Variants in PLAGL2 observed in about 807,000 individuals in gnomAD.
PLAGL2 encodes the protein PLAG1 like zinc finger 2.
A neutral mutation model predicts 29.0 loss-of-function variants in PLAGL2; 7 were observed. That is an observed-to-expected ratio of 0.24 (90% CI 0.14 to 0.45). PLAGL2 has a LOEUF of 0.45. Among genes scored for constraint, PLAGL2 ranks in the 20% least tolerant of loss-of-function variants. PLAGL2 has a pLI of 0.99. For missense variants in PLAGL2, 454 were observed against 648.2 expected, an observed-to-expected ratio of 0.70 and a Z score of 3.25; for synonymous variants, 234 against 266.0, an observed-to-expected ratio of 0.88 and a Z score of 1.17.
chr20:32,205,558 T>C (rs557128799), intron 1 of PLAGL2, among the ~76,000 whole-genome samples: 1 of 152,320 alleles, frequency 6.6e-6, no homozygotes, highest in South Asian at 2.1e-4. Flanking sequence ...GTCCGTCCCC[T>C]GTTATGGGCC....
chr20:32,197,031 G>A lies in PLAGL2; in HGVS notation c.912C>T (p.Thr304=), dbSNP rs2047233241. 1 of 1,614,210 alleles carries A rather than the reference G, an allele frequency of 6.2e-7. No homozygotes were observed. The highest frequency in any genetic ancestry group is 8.5e-7 in the Non-Finnish European group (1 of 1,180,016). The change falls in exon 3 of 3, where the codon ACC becomes ACT. Residue 304 remains threonine, a synonymous_variant. Coordinates refer to ENST00000246229, the MANE Select transcript of PLAGL2 (RefSeq NM_002657.3). The surrounding 1 kb of genome is among the most constrained non-coding windows in gnomAD (Gnocchi z 6.6). ...PMGMYGAHIP[T]MPSTGVPHSL... is the part of the protein sequence containing the mutation. ...AGTGTGGCACGCCCGTGCTGGGCAT[G>A]GTAGGGATGTGGGCACCATACATGC... is the stretch of plus-strand genomic sequence containing the variant.
intron 1 of PLAGL2, among the ~76,000 whole-genome samples, chr20:32,204,160 C>T (rs1169457804): frequency 2.6e-5 from 4 of 152,070 alleles, no homozygotes; most frequent in Admixed American, 2.6e-4. Context: ...ATTACCCCTA[C>T]CTTCAAAGTC....
At position 32,194,510 on chromosome 20, in the gene PLAGL2, G is replaced by A; in HGVS notation, c.*1942C>T. The A allele has an allele frequency of 6.6e-6, 1 of 152,612 alleles. No homozygotes were observed. The highest frequency in any genetic ancestry group is 1.9e-4 in the East Asian group (1 of 5,200). 9.5% of individuals were successfully genotyped at this position (152,612 alleles called of 1,614,324 possible). A position where few individuals can be genotyped will look rare whatever the true frequency, so the allele number is the denominator to read the frequency against. On this transcript the variant is annotated 3_prime_UTR_variant, in exon 3 of 3. Coordinates refer to ENST00000246229, the MANE Select transcript of PLAGL2 (RefSeq NM_002657.3). The stretch of plus-strand genomic sequence containing the variant: ...TTAAAAAGGTATCCCAAGCTACCCT[G>A]CCTAAATCAAAACACACTTACTCCA...
In PLAGL2 at chr20:32,197,787, A is replaced by G; in HGVS notation, c.261-105T>C. ...CATTAACAGGAAACTAGATATAAAA[A>G]CCATGGTAAAGGCTTGCAATGCAAT... is the stretch of plus-strand genomic sequence containing the variant. On this transcript the variant is annotated intron_variant, in intron 2 of 2. Coordinates refer to ENST00000246229, the MANE Select transcript of PLAGL2 (RefSeq NM_002657.3). This position sits in a 1 kb window ranked among gnomAD's most constrained non-coding sequence, Gnocchi z 6.6. 2.1e-6 allele frequency: 2 copies of G among 937,974 alleles called. No individual in the cohort carries two copies. The highest frequency in any genetic ancestry group is 1.6e-5 in the South Asian group (1 of 61,366). The allele number at this position is 937,974 out of a possible 1,614,324, so 58.1% of individuals were successfully genotyped here.
chr20:32,203,101 G>A (rs1257799509), intron 1 of PLAGL2, among the ~76,000 whole-genome samples: 1 of 152,208 alleles, frequency 6.6e-6, no homozygotes, highest in African/African-American at 2.4e-5. Context: ...ACGGTAGCGA[G>A]CTCGCATTGG....
chr20:32,194,056 A>G lies in PLAGL2; in HGVS notation c.*2396T>C, dbSNP rs1056411797. On this transcript the variant is annotated 3_prime_UTR_variant, in exon 3 of 3. Coordinates refer to ENST00000246229, the MANE Select transcript of PLAGL2 (RefSeq NM_002657.3). ...TTTAAACAGTTGCTTTGCCAGTCCT[A>G]TGACTTTTCCAGCATCACTTACGGG... is the stretch of plus-strand genomic sequence containing the variant. 3.3e-5 allele frequency: 5 copies of G among 152,692 alleles called. No individual in the cohort carries two copies. The highest frequency in any genetic ancestry group is 1.3e-4 in the Admixed American group (2 of 15,284). The allele number at this position is 152,692 out of a possible 1,614,324, so 9.5% of individuals were successfully genotyped here.
At chr20:32,199,300 G>C (rs545518753) in intron 2 of PLAGL2, among the ~76,000 whole-genome samples, 2 of 152,162 alleles carry the variant, frequency 1.3e-5, no homozygotes, top group East Asian at 3.9e-4. Flanking sequence ...AAGAGTGCTC[G>C]TGCCTATGTG....
chr20:32,206,737 G>C (rs998183845), intron 1 of PLAGL2, among the ~76,000 whole-genome samples: 1 of 152,198 alleles, frequency 6.6e-6, no homozygotes, highest in Non-Finnish European at 1.5e-5. Flanking sequence ...TCCCCACCAA[G>C]GTGGGCCACA....
rs984471363 is a variant in PLAGL2, at chr20:32,194,229, G to C, written c.*2223C>G. 2.6e-5 allele frequency: 4 copies of C among 151,882 alleles called. No homozygotes were observed. Among genetic ancestry groups the C allele is most frequent in the African/African-American group, 9.7e-5 (4 of 41,306 alleles). The allele number at this position is 151,882 out of a possible 1,614,324, so 9.4% of individuals were successfully genotyped here. On this transcript the variant is annotated 3_prime_UTR_variant, in exon 3 of 3. Transcript: ENST00000246229. The stretch of plus-strand genomic sequence containing the variant: ...GAAGGTGGCAGTTAAGGTGAGAAGG[G>C]TTGCTGAGTCTAGTGATGAAAACCA...
intron 1 of PLAGL2, among the ~76,000 whole-genome samples, chr20:32,203,104 C>G (rs538361478): frequency 4.3e-4 from 65 of 152,302 alleles, no homozygotes; most frequent in African/African-American, 1.4e-3. Context: ...GTAGCGAGCT[C>G]GCATTGGAAT....
intron 1 of PLAGL2, among the ~76,000 whole-genome samples, chr20:32,202,953 GACC>G (rs1255031013): frequency 1.3e-5 from 2 of 152,180 alleles, no homozygotes; most frequent in Non-Finnish European, 2.9e-5. Flanking sequence ...GTCCCATCCT[GACC>G]ACCACCACTT....
At chr20:32,198,799 C>A (rs2047243446) in intron 2 of PLAGL2, among the ~76,000 whole-genome samples, 1 of 152,154 alleles carries the variant, frequency 6.6e-6, no homozygotes, top group Non-Finnish European at 1.5e-5. Context: ...TACACAAAAA[C>A]CAACCCACCA....
chr20:32,202,057 T>C lies in PLAGL2; in HGVS notation c.122A>G (p.Gln41Arg). 3.1e-6 allele frequency: 5 copies of C among 1,614,218 alleles called. No homozygotes were observed. The highest frequency in any genetic ancestry group is 4.2e-6 in the Non-Finnish European group (5 of 1,180,040). ...GREAESQVKC[Q>R]CEISGTPFSN... ...GAAAGGTGTTCCCGAAATTTCACAT[T>C]GGCACTTCACTTGACTCTCCGCCTC... The change falls in exon 2 of 3, where the codon CAA (glutamine) becomes CGA (arginine). Residue 41 changes from glutamine to arginine, a missense_variant. Around this residue, in one of 4 missense-constraint regions of PLAGL2, gnomAD observed 89 missense variants for 90.4 expected, o/e 0.98. Transcript: ENST00000246229.
chr20:32,197,460 G>A lies in PLAGL2; in HGVS notation c.483C>T (p.Cys161=), dbSNP rs1358197401. ...ASSGDLSCKV[C]LQTFESTQAL... ...CCTGGGTACTCTCAAAGGTCTGCAG[G>A]CACACCTTGCAGCTGAGGTCACCGC... Residue 161 remains cysteine (C), a synonymous_variant, in exon 3 of 3, where the codon TGC becomes TGT. Coordinates refer to ENST00000246229, the MANE Select transcript of PLAGL2 (RefSeq NM_002657.3). This position sits in a 1 kb window ranked among gnomAD's most constrained non-coding sequence, Gnocchi z 6.6. 6.2e-7 allele frequency: 1 copy of A among 1,612,976 alleles called. No homozygotes were observed. The highest frequency in any genetic ancestry group is 8.5e-7 in the Non-Finnish European group (1 of 1,180,014).
In PLAGL2 at chr20:32,202,300, A is replaced by ACCAGGTGTTCTGATGTT; in HGVS notation, c.-114-9_-114-8insAACATCAGAACACCTGG. ...AGAAAACAATCTCTTCACCTGAAACATCAGAACACCTGGTGTTAGGGAGCC... is the reference window on the plus strand; with the variant it reads ...AGAAAACAATCTCTTCACCTGAAACACCAGGTGTTCTGATGTTTCAGAACACCTGGTGTTAGGGAGCC... On this transcript the variant is annotated splice_polypyrimidine_tract_variant and intron_variant, in intron 1 of 2. Coordinates refer to ENST00000246229, the MANE Select transcript of PLAGL2 (RefSeq NM_002657.3). The ACCAGGTGTTCTGATGTT allele has an allele frequency of 1.0e-5, 10 of 956,280 alleles. No homozygotes were observed. Among genetic ancestry groups the ACCAGGTGTTCTGATGTT allele is most frequent in the African/African-American group, 1.6e-5 (1 of 61,116 alleles). 59.2% of individuals were successfully genotyped at this position (956,280 alleles called of 1,614,324 possible). A position where few individuals can be genotyped will look rare whatever the true frequency, so the allele number is the denominator to read the frequency against.
At position 32,194,332 on chromosome 20, in the gene PLAGL2, A is replaced by G. The variant is rs2047217009; in HGVS notation, c.*2120T>C. 1 of 152,212 alleles carries G rather than the reference A, an allele frequency of 6.6e-6. No homozygotes were observed. The highest frequency in any genetic ancestry group is 2.1e-4 in the South Asian group (1 of 4,828). 9.4% of individuals were successfully genotyped at this position (152,212 alleles called of 1,614,324 possible). A position where few individuals can be genotyped will look rare whatever the true frequency, so the allele number is the denominator to read the frequency against. ...ATCACCTATAATACAAGTCCCAATA[A>G]CATGCACAGCATGCAGGAGGTGGCT... On this transcript the variant is annotated 3_prime_UTR_variant, in exon 3 of 3. Coordinates refer to ENST00000246229, the MANE Select transcript of PLAGL2 (RefSeq NM_002657.3).
rs2122525689 is a variant in PLAGL2, at chr20:32,193,949, AC to A, written c.*2502del. The A allele has an allele frequency of 6.5e-6, 1 of 153,050 alleles. No homozygotes were observed. Among genetic ancestry groups the A allele is most frequent in the South Asian group, 2.1e-4 (1 of 4,828 alleles). 9.5% of individuals were successfully genotyped at this position (153,050 alleles called of 1,614,324 possible). On this transcript the variant is annotated 3_prime_UTR_variant, in exon 3 of 3. Transcript: ENST00000246229. ...GGACACTGAGAGGAGGAAAGGAAAG[AC>A]AGGATAGATGGGAGGACACAGGAGT...
rs1432704720 is a variant in PLAGL2 at position 32,192,548 on chromosome 20, A to G, written c.*3904T>C. The G allele has an allele frequency of 1.3e-5, 2 of 152,572 alleles. No homozygotes were observed. The highest frequency in any genetic ancestry group is 2.9e-5 in the Non-Finnish European group (2 of 68,028). 9.5% of individuals were successfully genotyped at this position (152,572 alleles called of 1,614,324 possible). A position where few individuals can be genotyped will look rare whatever the true frequency, so the allele number is the denominator to read the frequency against. ...TTTAATAAACAACTTCATTATAAAAACCTTTTTTTGAAAATGTAATTCTGT... is the reference window on the plus strand; with the variant it reads ...TTTAATAAACAACTTCATTATAAAAGCCTTTTTTTGAAAATGTAATTCTGT... On this transcript the variant is annotated 3_prime_UTR_variant, in exon 3 of 3. Coordinates refer to ENST00000246229, the MANE Select transcript of PLAGL2 (RefSeq NM_002657.3).
In PLAGL2 at chr20:32,207,707, G is replaced by A. The variant is rs1241313728; in HGVS notation, c.-181C>T. The A allele has an allele frequency of 6.8e-6, 2 of 292,752 alleles. No individual in the cohort carries two copies. Among genetic ancestry groups the A allele is most frequent in the Non-Finnish European group, 1.1e-5 (2 of 174,382 alleles). 18.1% of individuals were successfully genotyped at this position (292,752 alleles called of 1,614,324 possible). A position where few individuals can be genotyped will look rare whatever the true frequency, so the allele number is the denominator to read the frequency against. On this transcript the variant is annotated 5_prime_UTR_variant, in exon 1 of 3. Transcript: ENST00000246229. ...CTCCGCCAGGCCCCCTCAGGCCCCG[G>A]TAGTGGCGGCGGTCGGGCCATTGTG...
Sources: allele counts gnomAD v4.1 joint callset (sites outside exome capture counted in the v4.1 genomes callset), GRCh38; gene constraint gnomAD v4.1.1; regional missense constraint gnomAD v4.1.1; non-coding constraint Gnocchi (gnomAD v3.1); transcripts MANE v1.5; gene names NCBI Gene and HGNC (gene_info 2026-07-23, HGNC 2026-07-21).